Variants in CRTAC1 observed in about 807,000 individuals in gnomAD.
The protein encoded by CRTAC1 is acidic secreted protein in cartilage.
Under a neutral mutation model 67.8 loss-of-function variants are expected in CRTAC1, and 37 were observed. The ratio of observed to expected loss-of-function variants is 0.55; its 90% confidence interval spans 0.42 to 0.72. The LOEUF (loss-of-function observed/expected upper bound fraction) is 0.72. Among genes scored for constraint, CRTAC1 ranks in the 30% least tolerant of loss-of-function variants. The pLI is 0.00. For missense variants in CRTAC1, 780 were observed against 931.6 expected (o/e 0.84, Z 2.12); for synonymous variants, 348 against 371.0 (o/e 0.94, Z 0.71).
chr10:98,023,367 GC>G (rs1387592345), intron 1 of CRTAC1, among the ~76,000 whole-genome samples: 2 of 152,160 alleles, frequency 1.3e-5, no homozygotes, highest in African/African-American at 4.8e-5. Context: ...GGTCACCTCT[GC>G]CCCAGAATGG....
intron 1 of CRTAC1, among the ~76,000 whole-genome samples, chr10:98,024,022 T>G (rs1843173847): frequency 6.6e-6 from 1 of 152,248 alleles, no homozygotes. Context: ...TGTTAAAATT[T>G]GCACAACATG....
At chr10:97,911,228 C>T (rs1323463054) in intron 5 of CRTAC1, among the ~76,000 whole-genome samples, 2 of 152,266 alleles carry the variant, frequency 1.3e-5, no homozygotes, top group African/African-American at 2.4e-5. Context: ...TCTTCCTCCG[C>T]TTCCACATCC....
chr10:97,867,608 G>A (rs1470474367), intron 14 of CRTAC1: 4 of 152,512 alleles, frequency 2.6e-5, no homozygotes, highest in African/African-American at 7.2e-5. Flanking sequence ...CCCTGGCCAC[G>A]GCCTATGCCC....
At chr10:97,910,836 C>T (rs1055349080) in intron 5 of CRTAC1, among the ~76,000 whole-genome samples, 1 of 152,326 alleles carries the variant, frequency 6.6e-6, no homozygotes, top group East Asian at 1.9e-4. Context: ...ATAGTTAACA[C>T]ATTCTGGGCT....
chr10:97,874,991 G>A (rs1483960006), intron 14 of CRTAC1, among the ~76,000 whole-genome samples: 1 of 152,202 alleles, frequency 6.6e-6, no homozygotes, highest in South Asian at 2.1e-4. Context: ...ACCTTTGCCA[G>A]TGTTGTTCAC....
intron 1 of CRTAC1, among the ~76,000 whole-genome samples, chr10:98,026,471 A>G (rs1311950209): frequency 6.6e-6 from 1 of 152,332 alleles, no homozygotes; most frequent in African/African-American, 2.4e-5. Flanking sequence ...GTATGTAAGT[A>G]TATTCCTCTG....
At chr10:97,908,615 T>C (rs144561317) in intron 5 of CRTAC1, among the ~76,000 whole-genome samples, 22 of 152,362 alleles carry the variant, frequency 1.4e-4, no homozygotes, top group Middle Eastern at 3.4e-3. Context: ...GTCCCAGCTA[T>C]AGGTACGCAG....
At chr10:97,918,061 A>G (rs1301620325) in intron 4 of CRTAC1, among the ~76,000 whole-genome samples, 1 of 151,928 alleles carries the variant, frequency 6.6e-6, no homozygotes, top group East Asian at 1.9e-4. Context: ...CATTATTCTC[A>G]GTCTCTCTCT....
rs750972770 is a variant in CRTAC1 at position 97,895,237 on chromosome 10, C to T, written c.1486+8G>A. ...CAGCTCACTGTCCCCCACCGGACCC[C>T]GACTCACCCAGGCCAAAGTGTGCCA... On this transcript the variant is annotated splice_region_variant and intron_variant, in intron 11 of 14. Coordinates refer to ENST00000370597, the MANE Select transcript of CRTAC1 (RefSeq NM_018058.7). This position sits in a 1 kb window ranked among gnomAD's most constrained non-coding sequence, Gnocchi z 4.2. The T allele has an allele frequency of 1.2e-5, 20 of 1,607,964 alleles. No homozygotes were observed. Among genetic ancestry groups the T allele is most frequent in the Admixed American group, 1.0e-4 (6 of 59,948 alleles).
chr10:97,928,444 G>A (rs559720949), intron 3 of CRTAC1, among the ~76,000 whole-genome samples: 3 of 152,316 alleles, frequency 2.0e-5, no homozygotes, highest in Admixed American at 6.5e-5. Flanking sequence ...ATACTGCCAC[G>A]TCTATAGCAC....
chr10:97,889,169 T>G (rs2050328651), intron 11 of CRTAC1, among the ~76,000 whole-genome samples: 3 of 147,442 alleles, frequency 2.0e-5, no homozygotes, highest in Admixed American at 6.7e-5. Flanking sequence ...ATGGTTGGGG[T>G]GGCTGCCTGA....
chr10:97,954,319 A>G (rs185260997), intron 2 of CRTAC1, among the ~76,000 whole-genome samples: 4 of 152,290 alleles, frequency 2.6e-5, no homozygotes, highest in African/African-American at 9.6e-5. Flanking sequence ...TGACAGCACA[A>G]ATAAGGCTCC....
chr10:97,967,004 C>CG lies in CRTAC1; in HGVS notation c.225-30639_225-30638insC, dbSNP rs1195272945. Among the ~76,000 whole-genome samples the CG allele has an allele frequency of 2.0e-3, 303 of 150,076 alleles. 2 individuals are homozygous for CG. Among genetic ancestry groups the CG allele is most frequent in the African/African-American group, 6.6e-3 (267 of 40,730 alleles). The stretch of plus-strand genomic sequence containing the variant: ...TCCATTGTAAAGTCACCCCCCCCCC[C>CG]CCGACATCCTACATGCTTCAGAAGG... On this transcript the variant is annotated intron_variant, in intron 2 of 14. Coordinates refer to ENST00000370597, the MANE Select transcript of CRTAC1 (RefSeq NM_018058.7).
chr10:97,881,327 C>G (rs543305154), intron 13 of CRTAC1, among the ~76,000 whole-genome samples: 17 of 152,338 alleles, frequency 1.1e-4, no homozygotes, highest in Admixed American at 7.8e-4. Flanking sequence ...TCCCTCAACT[C>G]TTTCTGGGCC....
At position 97,998,256 on chromosome 10, in the gene CRTAC1, A is replaced by T. The variant is rs186284561; in HGVS notation, c.224+12882T>A. Among the ~76,000 whole-genome samples the T allele has an allele frequency of 6.6e-5, 10 of 152,352 alleles. No homozygotes were observed. The East Asian group carries it at 1.7e-3, about 26-fold the overall frequency. On this transcript the variant is annotated intron_variant, in intron 2 of 14. Coordinates refer to ENST00000370597, the MANE Select transcript of CRTAC1 (RefSeq NM_018058.7). ...CCAAAATGCTGGGATTACAGGCATG[A>T]GCCACTGTTCCTGGCCAAGGAAAGA...
intron 1 of CRTAC1, among the ~76,000 whole-genome samples, chr10:98,022,367 A>T (rs571960409): frequency 6.6e-6 from 1 of 152,100 alleles, no homozygotes; most frequent in Non-Finnish European, 1.5e-5. Context: ...AAAAGAAAAA[A>T]AAAGAAAGAA....
At chr10:98,004,650 A>G (rs1012185458) in intron 2 of CRTAC1, among the ~76,000 whole-genome samples, 1 of 152,156 alleles carries the variant, frequency 6.6e-6, no homozygotes, top group African/African-American at 2.4e-5. Context: ...CAGATTAGAA[A>G]CAGCTTAAAC....
chr10:97,952,177 C>T (rs938801166), intron 2 of CRTAC1, among the ~76,000 whole-genome samples: 5 of 151,900 alleles, frequency 3.3e-5, no homozygotes, highest in African/African-American at 1.2e-4. Flanking sequence ...ACGGTGAAAC[C>T]CCATCTCTAC....
At chr10:97,880,471 G>A in intron 13 of CRTAC1, 79 bp from the exon 14 acceptor site, 3 of 1,552,826 alleles carry the variant, frequency 1.9e-6, no homozygotes, top group Non-Finnish European at 2.6e-6. Context: ...CCTATACACT[G>A]TCTGGCTTTG....
Sources: allele counts gnomAD v4.1 joint callset (sites outside exome capture counted in the v4.1 genomes callset), GRCh38; gene constraint gnomAD v4.1.1; non-coding constraint Gnocchi (gnomAD v3.1); transcripts MANE v1.5; gene names NCBI Gene and HGNC (gene_info 2026-07-23, HGNC 2026-07-21).